The following ANXA9 variants were observed in gnomAD, a reference collection of about 807,000 sequenced individuals.
ANXA9 encodes annexin 31.
Under a neutral mutation model 51.8 loss-of-function variants are expected in ANXA9, and 47 were observed. That is an observed-to-expected ratio of 0.91 (90% CI 0.72 to 1.16). ANXA9 has a LOEUF of 1.16. Among genes scored for constraint, ANXA9 ranks in the 50% most tolerant of loss-of-function variants. The pLI, the probability that ANXA9 is intolerant of heterozygous loss-of-function variation, is 0.00. For missense variants in ANXA9, 361 were observed against 424.7 expected, an observed-to-expected ratio of 0.85 and a Z score of 1.32; for synonymous variants, 154 against 168.7, an observed-to-expected ratio of 0.91 and a Z score of 0.68.
In ANXA9 at chr1:150,982,348, A is replaced by G. The variant is rs1218385926; in HGVS notation, c.-145A>G. On this transcript the variant is annotated 5_prime_UTR_variant, in exon 1 of 14. Transcript: ENST00000368947. ...CACAGGCAAGCTACCAGGCCACAAC[A>G]ACGACACCCACCTCACCTCTGGCAC... 1 of 153,114 alleles carries G rather than the reference A, an allele frequency of 6.5e-6. No individual in the cohort carries two copies. The allele number at this position is 153,114 out of a possible 1,614,324, so 9.5% of individuals were successfully genotyped here.
At position 150,988,293 on chromosome 1, in the gene ANXA9, C is replaced by T; in HGVS notation, c.804C>T (p.Ile268=). Residue 268 remains isoleucine (I), a synonymous_variant, in exon 12 of 14, where the codon ATC becomes ATT. Coordinates refer to ENST00000368947, the MANE Select transcript of ANXA9 (RefSeq NM_003568.3). ...CATCTTTGTTTCCAGCTTCGGTGAT[C>T]AAGAACACACCGCTGTACTTTGCTG... The part of the protein sequence containing the change: ...QVALLGLASV[I]KNTPLYFADK... The T allele has an allele frequency of 6.2e-7, 1 of 1,614,164 alleles. No individual in the cohort carries two copies. Among genetic ancestry groups the T allele is most frequent in the Non-Finnish European group, 8.5e-7 (1 of 1,180,038 alleles).
chr1:150,983,359 G>C lies in ANXA9; in HGVS notation c.97G>C (p.Gly33Arg), dbSNP rs1361308206. The C allele has an allele frequency of 6.2e-7, 1 of 1,613,922 alleles. No individual in the cohort carries two copies. Among genetic ancestry groups the C allele is most frequent in the Non-Finnish European group, 8.5e-7 (1 of 1,179,968 alleles). Reference sequence around the variant, plus strand: ...ACAGACTGCAGCGTGGGGGACCCTGGGCACCCTCAGGACCTTCTTGAACTT... The same window carrying C: ...ACAGACTGCAGCGTGGGGGACCCTGCGCACCCTCAGGACCTTCTTGAACTT... Reference protein sequence around the residue: ...ASKTAAWGTLGTLRTFLNFSV... With the variant: ...ASKTAAWGTLRTLRTFLNFSV... The change falls in exon 4 of 14, where the codon GGC becomes CGC. Residue 33 changes from glycine (G) to arginine (R), a missense_variant. Gly to Arg is a moderately radical substitution (Grantham distance 125). Coordinates refer to ENST00000368947, the MANE Select transcript of ANXA9 (RefSeq NM_003568.3).
chr1:150,986,195 G>T, intron 7 of ANXA9, 141 bp from the exon 8 acceptor site: 1 of 665,230 alleles, frequency 1.5e-6, no homozygotes. Context: ...TTACATCCTG[G>T]GAATTAGCAG....
chr1:150,978,297 G>C (rs915462317), upstream of ANXA9, among the ~76,000 whole-genome samples: 2 of 151,996 alleles, frequency 1.3e-5, no homozygotes, highest in African/African-American at 4.8e-5. Context: ...TGGGTGTGGT[G>C]GTGGGCCCTG....
chr1:150,985,603 C>G (rs1671537592), intron 7 of ANXA9, among the ~76,000 whole-genome samples: 1 of 151,750 alleles, frequency 6.6e-6, no homozygotes, highest in Non-Finnish European at 1.5e-5. Context: ...AGGTCTTGCC[C>G]TGTAGCCTAG....
At chr1:150,991,679 C>A (rs1671703746) in intron 12 of ANXA9, among the ~76,000 whole-genome samples, 1 of 151,176 alleles carries the variant, frequency 6.6e-6, no homozygotes, top group Non-Finnish European at 1.5e-5. Context: ...GTAGCTGGAA[C>A]TATAGTTGCC....
chr1:150,986,803 G>A (rs958140241), intron 9 of ANXA9, 142 bp downstream of exon 9: 3 of 806,702 alleles, frequency 3.7e-6, no homozygotes, highest in African/African-American at 1.7e-5. Context: ...CAGTTATGTG[G>A]TAGGGGCAGG....
chr1:150,978,246 C>T (rs1022612780), upstream of ANXA9, among the ~76,000 whole-genome samples: 1 of 152,038 alleles, frequency 6.6e-6, no homozygotes, highest in Non-Finnish European at 1.5e-5. Context: ...GCCTGGCCAA[C>T]ATGGTGAAAC....
At chr1:150,978,858 G>A (rs1671373944), upstream of ANXA9, among the ~76,000 whole-genome samples, 1 of 151,996 alleles carries the variant, frequency 6.6e-6, no homozygotes, top group Non-Finnish European at 1.5e-5. Flanking sequence ...CAGCTACTCA[G>A]GAGGTTGAGG....
At chr1:150,988,416 G>A in intron 12 of ANXA9, 75 bp downstream of exon 12, 1 of 1,553,956 alleles carries the variant, frequency 6.4e-7, no homozygotes, top group Non-Finnish European at 8.9e-7. Flanking sequence ...TGCTGCTTAT[G>A]TAACCATCCT....
intron 12 of ANXA9, among the ~76,000 whole-genome samples, chr1:150,991,038 G>T (rs587765499): frequency 6.6e-6 from 1 of 151,394 alleles, no homozygotes; most frequent in Non-Finnish European, 1.5e-5. Flanking sequence ...AGCTACGCTG[G>T]AGGCTAAGGC....
chr1:150,984,274 A>G lies in ANXA9; in HGVS notation c.268-7A>G. 2 of 1,612,904 alleles carry G rather than the reference A, an allele frequency of 1.2e-6. No homozygotes were observed. Among genetic ancestry groups the G allele is most frequent in the Non-Finnish European group, 1.7e-6 (2 of 1,178,952 alleles). On this transcript the variant is annotated splice_polypyrimidine_tract_variant and splice_region_variant and intron_variant, in intron 5 of 13. Transcript: ENST00000368947. Reference sequence around the variant, plus strand: ...CGTCCCTCTGCTGTGAGGACCATTTATTGTAGGACCTGATGAAGTCTCTAC... The same window carrying G: ...CGTCCCTCTGCTGTGAGGACCATTTGTTGTAGGACCTGATGAAGTCTCTAC...
chr1:150,983,470 T>G, intron 4 of ANXA9, 36 bp downstream of exon 4: 1 of 1,561,410 alleles, frequency 6.4e-7, no homozygotes. Context: ...AGACTGCCTT[T>G]TAGAGCCAAT....
chr1:150,984,354 C>T lies in ANXA9; in HGVS notation c.341C>T (p.Thr114Ile), dbSNP rs779516170. ...ERIVMALLQP[T>I]AQFDAQELRT... ...ATTGTGATGGCTCTGCTGCAGCCCA[C>T]AGCCCAGTTTGACGCCCAGGAATTG... Residue 114 changes from threonine (T) to isoleucine (I), a missense_variant, in exon 6 of 14, where the codon ACA becomes ATA. Thr to Ile is a moderately conservative substitution (Grantham distance 89, BLOSUM62 -1). Transcript: ENST00000368947. 1.2e-6 allele frequency: 2 copies of T among 1,614,060 alleles called. No homozygotes were observed. Among genetic ancestry groups the T allele is most frequent in the Non-Finnish European group, 1.7e-6 (2 of 1,180,052 alleles).
Position 150,984,397 on chromosome 1 carries a change from A to G in ANXA9, c.381+3A>G. 6.2e-7 allele frequency: 1 copy of G among 1,613,940 alleles called. No homozygotes were observed. The highest frequency in any genetic ancestry group is 8.5e-7 in the Non-Finnish European group (1 of 1,179,814). ...AGGAATTGAGGACAGCTCTGAAGGT[A>G]GCAGGAGGGGAGACTTGCTGGGGTG... On this transcript the variant is annotated splice_donor_region_variant and intron_variant, in intron 6 of 13. Transcript: ENST00000368947.
At position 150,983,388 on chromosome 1, in the gene ANXA9, C is replaced by T. The variant is rs778867000; in HGVS notation, c.126C>T (p.Ser42=). The change falls in exon 4 of 14, where the codon AGC becomes AGT. Residue 42 remains serine, a synonymous_variant. Coordinates refer to ENST00000368947, the MANE Select transcript of ANXA9 (RefSeq NM_003568.3). Reference sequence around the variant, plus strand: ...CCCTCAGGACCTTCTTGAACTTCAGCGTGGACAAGGATGCGCAGAGGCTAC... The same window carrying T: ...CCCTCAGGACCTTCTTGAACTTCAGTGTGGACAAGGATGCGCAGAGGCTAC... The part of the protein sequence containing the change: ...LGTLRTFLNF[S]VDKDAQRLLR... 1.1e-5 allele frequency: 17 copies of T among 1,613,864 alleles called. No individual in the cohort carries two copies. Among genetic ancestry groups the T allele is most frequent in the Admixed American group, 3.3e-5 (2 of 59,982 alleles).
upstream of ANXA9, among the ~76,000 whole-genome samples, chr1:150,979,369 G>T (rs989949836): frequency 5.9e-5 from 9 of 151,992 alleles, no homozygotes; most frequent in East Asian, 1.9e-4. Context: ...ACTCTGAAGG[G>T]TACAGAAAGC....
chr1:150,993,390 C>T (rs929830799), intron 12 of ANXA9, among the ~76,000 whole-genome samples: 1 of 151,782 alleles, frequency 6.6e-6, no homozygotes, highest in East Asian at 1.9e-4. Flanking sequence ...CTTACTGCAA[C>T]GTCCGCCTCC....
chr1:150,983,036 A>G, intron 2 of ANXA9, 54 bp from the exon 3 acceptor site: 1 of 1,396,632 alleles, frequency 7.2e-7, no homozygotes, highest in Non-Finnish European at 1.0e-6. Context: ...GGTCATAAGG[A>G]GTCCCTGAAG....
Sources: allele counts gnomAD v4.1 joint callset (sites outside exome capture counted in the v4.1 genomes callset), GRCh38; gene constraint gnomAD v4.1.1; transcripts MANE v1.5; gene names NCBI Gene and HGNC (gene_info 2026-07-23, HGNC 2026-07-21).